PPM1H: variants seen among roughly 807,000 people sequenced by gnomAD.
PPM1H encodes protein phosphatase 1H.
In PPM1H, 27 loss-of-function variants were observed where a neutral mutation model predicts 54.9. That is an observed-to-expected ratio of 0.49 (90% confidence interval 0.36 to 0.68). The LOEUF (loss-of-function observed/expected upper bound fraction) is 0.68, where lower values mean the gene tolerates loss of function less well. PPM1H is among the 30% of genes least tolerant of loss of function. The pLI is 0.00. For synonymous variants in PPM1H, 305 were observed against 270.8 expected, an observed-to-expected ratio of 1.13 and a Z score of -1.24; for missense variants, 596 against 667.8, an observed-to-expected ratio of 0.89 and a Z score of 1.19.
rs570955254 is a variant in PPM1H at position 62,887,504 on chromosome 12, A to G, written c.245+46988T>C. On this transcript the variant is annotated intron_variant, in intron 1 of 9. Coordinates refer to ENST00000228705, the MANE Select transcript of PPM1H (RefSeq NM_020700.2). ...GCATGATGCTAGGAGCCTTAATTGC[A>G]TTTGTTTATTCACTTGACATATTTA... 1.6e-4 allele frequency among the ~76,000 whole-genome samples: 25 copies of G among 152,290 alleles called. No homozygotes were observed. The East Asian group carries it at 4.4e-3, about 27-fold the overall frequency.
At chr12:62,752,602 A>G (rs2076448300) in intron 4 of PPM1H, among the ~76,000 whole-genome samples, 1 of 152,084 alleles carries the variant, frequency 6.6e-6, no homozygotes, top group African/African-American at 2.4e-5. Context: ...TCTCCTTAAC[A>G]TTTTTCCAAG....
chr12:62,739,265 C>T lies in PPM1H; in HGVS notation c.870-1679G>A, dbSNP rs137865374. Among the ~76,000 whole-genome samples, 152 of 152,314 alleles carry T rather than the reference C, an allele frequency of 1.0e-3. 5 individuals are homozygous for T. In the East Asian group the frequency reaches 0.027, roughly 27 times the overall value. Reference sequence around the variant, plus strand: ...TGCAATCACTATTACCCCACCCCCACTAAGGTGTTATCCACCATTCACAAA... The same window carrying T: ...TGCAATCACTATTACCCCACCCCCATTAAGGTGTTATCCACCATTCACAAA... On this transcript the variant is annotated intron_variant, in intron 4 of 9. Transcript: ENST00000228705.
rs71278272 is a variant in PPM1H at position 62,692,932 on chromosome 12, G to GACACACACACACACACACACACAC, written c.1137+980_1137+1003dup. Among the ~76,000 whole-genome samples, 630 of 146,792 alleles carry GACACACACACACACACACACACAC rather than the reference G, an allele frequency of 4.3e-3. 6 individuals carry two copies. The highest frequency in any genetic ancestry group is 0.015 in the African/African-American group (588 of 39,052). ...ATGTTTGTTCTCTTGCTTTTGCTCT[G>GACACACACACACACACACACACAC]ACACACACACACACACACACACACA... On this transcript the variant is annotated intron_variant, in intron 7 of 9. Transcript: ENST00000228705.
chr12:62,842,796 G>GT (rs1397996844), intron 1 of PPM1H, among the ~76,000 whole-genome samples: 6 of 152,174 alleles, frequency 3.9e-5, no homozygotes, highest in African/African-American at 1.2e-4. Context: ...AGGTAGACAG[G>GT]TTTTTTCTCT....
At chr12:62,779,081 A>G (rs2076627323) in intron 4 of PPM1H, among the ~76,000 whole-genome samples, 1 of 152,040 alleles carries the variant, frequency 6.6e-6, no homozygotes, top group South Asian at 2.1e-4. Flanking sequence ...TCTGTCACCC[A>G]GGCTGGAGTG....
chr12:62,784,648 G>A (rs2076660348), intron 4 of PPM1H, among the ~76,000 whole-genome samples: 1 of 152,146 alleles, frequency 6.6e-6, no homozygotes, highest in African/African-American at 2.4e-5. Context: ...CTGAGCCCTG[G>A]GATTCCTGAC....
chr12:62,845,402 T>C (rs1349128466), intron 1 of PPM1H, among the ~76,000 whole-genome samples: 1 of 152,208 alleles, frequency 6.6e-6, no homozygotes, highest in Non-Finnish European at 1.5e-5. Context: ...CTGTAGTTAA[T>C]ACAAAATCTA....
intron 5 of PPM1H, among the ~76,000 whole-genome samples, chr12:62,731,832 C>G (rs2076322594): frequency 6.6e-6 from 1 of 152,080 alleles, no homozygotes. Flanking sequence ...AACCATCACT[C>G]TCATACCTCA....
chr12:62,748,263 A>G (rs2120566499), intron 4 of PPM1H, among the ~76,000 whole-genome samples: 1 of 152,252 alleles, frequency 6.6e-6, no homozygotes, highest in African/African-American at 2.4e-5. Flanking sequence ...AAGAAAAAAA[A>G]AGTCCTCCAA....
chr12:62,852,873 C>A (rs1869248008), intron 1 of PPM1H, among the ~76,000 whole-genome samples: 1 of 152,220 alleles, frequency 6.6e-6, no homozygotes. Context: ...TGCACAGCAT[C>A]AGCTAGAAAG....
chr12:62,720,195 T>C lies in PPM1H; in HGVS notation c.1049A>G (p.Tyr350Cys). The change falls in exon 6 of 10, where the codon TAC (tyrosine) becomes TGC (cysteine). Residue 350 changes from tyrosine (Y) to cysteine (C), a missense_variant. Transcript: ENST00000228705. ...CCAGCCTGTCATATTAAAGTCCCTG[T>C]AGAGCATCTTCTTTCCAAGCTCCTT... is the stretch of plus-strand genomic sequence containing the variant. ...QRKELGKKML[Y>C]RDFNMTGWAY... 2 of 1,610,630 alleles carry C rather than the reference T, an allele frequency of 1.2e-6. No individual in the cohort carries two copies. Among genetic ancestry groups the C allele is most frequent in the Non-Finnish European group, 1.7e-6 (2 of 1,176,832 alleles).
chr12:62,931,635 G>A (rs534482293), intron 1 of PPM1H, among the ~76,000 whole-genome samples: 1 of 152,162 alleles, frequency 6.6e-6, no homozygotes, highest in Non-Finnish European at 1.5e-5. Context: ...AACGAGTTTG[G>A]TGTTGCGAGC....
At chr12:62,649,456 TG>T (rs1244686208) in intron 9 of PPM1H, among the ~76,000 whole-genome samples, 15 of 152,178 alleles carry the variant, frequency 9.9e-5, no homozygotes, top group Admixed American at 3.9e-4. Flanking sequence ...TGGGTGGGTA[TG>T]GGCCTGGGTT....
At chr12:62,755,943 A>G (rs1309037391) in intron 4 of PPM1H, 5 of 851,830 alleles carry the variant, frequency 5.9e-6, no homozygotes, top group Admixed American at 1.9e-5. Flanking sequence ...CCTACTGCCA[A>G]TGTGTCAGTT....
chr12:62,682,341 G>C (rs1031099108), intron 8 of PPM1H, among the ~76,000 whole-genome samples: 3 of 152,210 alleles, frequency 2.0e-5, no homozygotes, highest in African/African-American at 7.2e-5. Context: ...GAATGGGCCA[G>C]ACTGTAGAAA....
At chr12:62,849,198 A>T (rs530223054) in intron 1 of PPM1H, among the ~76,000 whole-genome samples, 2 of 152,348 alleles carry the variant, frequency 1.3e-5, no homozygotes, top group African/African-American at 4.8e-5. Flanking sequence ...TGAAAGGTGA[A>T]TAACCATCTG....
At chr12:62,758,044 T>G (rs1349261505) in intron 4 of PPM1H, among the ~76,000 whole-genome samples, 1 of 152,210 alleles carries the variant, frequency 6.6e-6, no homozygotes, top group Non-Finnish European at 1.5e-5. Flanking sequence ...TTCAAAAGGC[T>G]AAACTGGAGT....
At chr12:62,815,155 C>A (rs753496828) in intron 2 of PPM1H, among the ~76,000 whole-genome samples, 3 of 151,938 alleles carry the variant, frequency 2.0e-5, no homozygotes, top group Non-Finnish European at 4.4e-5. Flanking sequence ...GGAGCCATGA[C>A]CCTACAGCGT....
chr12:62,717,376 T>A (rs2076240551), intron 6 of PPM1H, among the ~76,000 whole-genome samples: 1 of 152,300 alleles, frequency 6.6e-6, no homozygotes, highest in Non-Finnish European at 1.5e-5. Flanking sequence ...CATTATTCAT[T>A]ACCTTCTGTG....
Sources: gnomAD v4.1 joint callset for allele counts (sites outside exome capture counted in the v4.1 genomes callset) on GRCh38, gnomAD v4.1.1 for gene constraint, MANE v1.5 for transcripts, NCBI Gene and HGNC (gene_info 2026-07-23, HGNC 2026-07-21) for gene names.